The following PDE1C variants were observed in gnomAD, a reference collection of about 807,000 sequenced individuals.
The protein encoded by PDE1C is phosphodiesterase 1C.
In PDE1C, 62 loss-of-function variants were observed where a neutral mutation model predicts 93.1. That is an observed-to-expected ratio of 0.67 (90% confidence interval 0.54 to 0.82). The LOEUF (loss-of-function observed/expected upper bound fraction) is 0.82, where lower values mean the gene tolerates loss of function less well. Ranked by LOEUF, PDE1C falls within the 40% of genes least tolerant of loss-of-function variation. The pLI is 0.00. For missense variants in PDE1C, 742 were observed against 884.6 expected, an observed-to-expected ratio of 0.84 and a Z score of 2.04; for synonymous variants, 325 against 310.1, an observed-to-expected ratio of 1.05 and a Z score of -0.50.
intron 3 of PDE1C, among the ~76,000 whole-genome samples, chr7:32,159,799 C>T (rs975243235): frequency 2.0e-5 from 3 of 152,180 alleles, no homozygotes; most frequent in African/African-American, 7.2e-5. Flanking sequence ...GGAAGCTCTA[C>T]ACCAAAGTGA....
At chr7:31,678,290 C>A in the PDE1C span, among the ~76,000 whole-genome samples, 2 of 151,974 alleles carry the variant, frequency 1.3e-5, no homozygotes, top group Non-Finnish European at 2.9e-5. Context: ...AAAATAAGAA[C>A]AATGAAAGAA....
intron 2 of PDE1C, among the ~76,000 whole-genome samples, chr7:32,184,341 A>G (rs1302103024): frequency 6.6e-6 from 1 of 152,230 alleles, no homozygotes; most frequent in Non-Finnish European, 1.5e-5. Context: ...ATAAAGACAC[A>G]TGCACACACG....
the PDE1C span, among the ~76,000 whole-genome samples, chr7:31,682,771 A>T: frequency 6.6e-6 from 1 of 152,220 alleles, no homozygotes; most frequent in East Asian, 1.9e-4. Context: ...GTACATCCAT[A>T]ACATGGAATA....
intron 1 of PDE1C, among the ~76,000 whole-genome samples, chr7:32,270,266 G>A (rs548517974): frequency 8.0e-5 from 12 of 150,006 alleles, no homozygotes; most frequent in African/African-American, 1.9e-4. Context: ...TTCTTTTGGC[G>A]CAACTGTGTT....
chr7:32,082,220 T>C (rs1179339072), intron 3 of PDE1C, among the ~76,000 whole-genome samples: 2 of 152,268 alleles, frequency 1.3e-5, no homozygotes, highest in Admixed American at 6.5e-5. Context: ...ATCCCGCACA[T>C]GGCTCTGAGG....
At chr7:32,234,816 G>C (rs1236734267) in intron 1 of PDE1C, among the ~76,000 whole-genome samples, 2 of 151,970 alleles carry the variant, frequency 1.3e-5, no homozygotes, top group Non-Finnish European at 1.5e-5. Context: ...ACAGCACAAA[G>C]AGAAAAACAA....
At chr7:31,649,407 A>G in the PDE1C span, among the ~76,000 whole-genome samples, 3 of 152,192 alleles carry the variant, frequency 2.0e-5, no homozygotes, top group Admixed American at 1.3e-4. Context: ...CCAGCCTGCA[A>G]GATCAGTTTC....
At chr7:31,736,259 G>T in the PDE1C span, among the ~76,000 whole-genome samples, 2 of 152,202 alleles carry the variant, frequency 1.3e-5, no homozygotes, top group Non-Finnish European at 2.9e-5. Context: ...GGATTTCTTT[G>T]TCCCTACAAT....
the PDE1C span, among the ~76,000 whole-genome samples, chr7:31,630,289 A>C: frequency 9.2e-5 from 14 of 151,656 alleles, no homozygotes; most frequent in Admixed American, 3.3e-4. Context: ...TATTAGTAAT[A>C]CTACCAAATA....
chr7:31,772,118 T>G (rs1584006805), intron 17 of PDE1C, among the ~76,000 whole-genome samples: 1 of 152,064 alleles, frequency 6.6e-6, no homozygotes, highest in South Asian at 2.1e-4. Flanking sequence ...AGTTTTGTAG[T>G]TACTTCCACC....
rs549893153 is a variant in PDE1C, at chr7:31,966,191, A to C, written c.129-85331T>G. Among the ~76,000 whole-genome samples the C allele has an allele frequency of 1.1e-3, 170 of 152,336 alleles. 1 individual carries two copies. The highest frequency in any genetic ancestry group is 3.7e-3 in the African/African-American group (153 of 41,580). On this transcript the variant is annotated intron_variant, in intron 2 of 17. Transcript: ENST00000396191. ...ACTGGATAAAGAGTCAAGACCCATC[A>C]GTGTGCTGTATTCAGGAAACCCATC...
At chr7:31,724,558 G>A in the PDE1C span, among the ~76,000 whole-genome samples, 4 of 152,118 alleles carry the variant, frequency 2.6e-5, no homozygotes, top group South Asian at 2.1e-4. Flanking sequence ...GTTCTTTCCC[G>A]ATTCTTGCTC....
At chr7:31,824,750 G>T in intron 13 of PDE1C, 117 bp downstream of exon 13, 1 of 1,328,012 alleles carries the variant, frequency 7.5e-7, no homozygotes, top group Non-Finnish European at 1.0e-6. Context: ...AAATTTTTCT[G>T]AGAAGGAGCT....
chr7:32,361,793 G>A (rs1316790635), intron 1 of PDE1C, among the ~76,000 whole-genome samples: 6 of 152,094 alleles, frequency 3.9e-5, no homozygotes, highest in Admixed American at 2.6e-4. Context: ...TACCAATGCC[G>A]CTCTCCTCCC....
At chr7:31,656,923 A>C in the PDE1C span, among the ~76,000 whole-genome samples, 3 of 151,752 alleles carry the variant, frequency 2.0e-5, no homozygotes, top group East Asian at 3.9e-4. Flanking sequence ...TCTTCAGTGC[A>C]TGATGAACAA....
At position 31,867,096 on chromosome 7, in the gene PDE1C, T is replaced by C. The variant is rs573653466; in HGVS notation, c.610-2014A>G. ...CCATAACTCTGGAGCCCCATTGACATTCTCTGCCTGCAGCCACAACTGTGG... is the reference window on the plus strand; with the variant it reads ...CCATAACTCTGGAGCCCCATTGACACTCTCTGCCTGCAGCCACAACTGTGG... On this transcript the variant is annotated intron_variant, in intron 6 of 17. Transcript: ENST00000396191. Among the ~76,000 whole-genome samples the C allele has an allele frequency of 3.5e-4, 53 of 152,120 alleles. 1 individual carries two copies. In the South Asian group the frequency reaches 0.011, roughly 32 times the overall value.
intron 17 of PDE1C, among the ~76,000 whole-genome samples, chr7:31,770,939 C>T (rs1466675053): frequency 6.6e-6 from 1 of 152,192 alleles, no homozygotes; most frequent in Admixed American, 6.5e-5. Context: ...TGAACTTATA[C>T]TATCAACTGA....
the PDE1C span, among the ~76,000 whole-genome samples, chr7:31,682,496 G>C: frequency 6.6e-6 from 1 of 152,168 alleles, no homozygotes; most frequent in South Asian, 2.1e-4. Flanking sequence ...AGGATGCAAA[G>C]GGGCTGGATC....
rs113786590 is a variant in PDE1C at position 32,193,664 on chromosome 7, C to T, written c.136+15825G>A. Among the ~76,000 whole-genome samples, 385 of 152,200 alleles carry T rather than the reference C, an allele frequency of 2.5e-3. 3 individuals carry two copies. The highest frequency in any genetic ancestry group is 8.9e-3 in the African/African-American group (370 of 41,530). ...ACATCAAGACAATGTTAGCTTCATA[C>T]ATGAATTGAGAAATATTCCCTTCTC... On this transcript the variant is annotated intron_variant, in intron 2 of 18. Transcript: ENST00000396193.
Sources: gnomAD v4.1 joint callset for allele counts (sites outside exome capture counted in the v4.1 genomes callset) on GRCh38, gnomAD v4.1.1 for gene constraint, MANE v1.5 for transcripts, NCBI Gene and HGNC (gene_info 2026-07-23, HGNC 2026-07-21) for gene names.